Variants in SLC45A2 observed in about 807,000 individuals in gnomAD.
SLC45A2 encodes membrane-associated transporter protein.
Under a neutral mutation model 45.5 loss-of-function variants are expected in SLC45A2, and 36 were observed. The observed-to-expected ratio is 0.79, with a 90% confidence interval of 0.61 to 1.04. The LOEUF (loss-of-function observed/expected upper bound fraction) is 1.04. Ranked by LOEUF, SLC45A2 falls within the 50% of genes least tolerant of loss-of-function variation. The probability of loss-of-function intolerance (pLI) is 0.00; values close to 1 mark genes in which losing one functional copy is unlikely to be tolerated. For synonymous variants in SLC45A2, 306 were observed against 269.3 expected, an observed-to-expected ratio of 1.14 and a Z score of -1.33; for missense variants, 719 against 671.0, an observed-to-expected ratio of 1.07 and a Z score of -0.79.
Position 33,947,207 on chromosome 5 carries a change from G to T in SLC45A2, c.1324C>A (p.Pro442Thr), listed in dbSNP as rs567856158. Residue 442 changes from proline to threonine, a missense_variant, in exon 6 of 7, where the codon CCC (proline) becomes ACC (threonine). Pro to Thr is a conservative substitution (Grantham distance 38). Transcript: ENST00000296589. ...TGGTACTCAGTAATGAGGTTAAAGG[G>T]CACAGTGTACAGGGTGCTGGACATT... ...GVMSSTLYTV[P>T]FNLITEYHRE... The T allele has an allele frequency of 6.2e-7, 1 of 1,614,076 alleles. No individual in the cohort carries two copies. Among genetic ancestry groups the T allele is most frequent in the African/African-American group, 1.3e-5 (1 of 74,928 alleles).
chr5:33,947,800 C>T (rs1309117259), intron 5 of SLC45A2, among the ~76,000 whole-genome samples: 1 of 152,188 alleles, frequency 6.6e-6, no homozygotes, highest in Non-Finnish European at 1.5e-5. Flanking sequence ...AACCCAAAGT[C>T]AGGTTGGGGA....
At chr5:33,975,241 T>C (rs958104191) in intron 2 of SLC45A2, among the ~76,000 whole-genome samples, 4 of 152,230 alleles carry the variant, frequency 2.6e-5, no homozygotes, top group African/African-American at 9.6e-5. Flanking sequence ...TTGATGCAAT[T>C]TGTCGTGTCA....
rs1196947922 is a variant in SLC45A2, at chr5:33,963,728, G to A, written c.851C>T (p.Ala284Val). 1.2e-6 allele frequency: 2 copies of A among 1,614,016 alleles called. No individual in the cohort carries two copies. The highest frequency in any genetic ancestry group is 1.7e-5 in the Admixed American group (1 of 60,018). The change falls in exon 3 of 7, where the codon GCA (alanine) becomes GTA (valine). Residue 284 changes from alanine (A) to valine (V), a missense_variant. By Grantham distance (64) the Ala-to-Val change is moderately conservative. Coordinates refer to ENST00000296589, the MANE Select transcript of SLC45A2 (RefSeq NM_016180.5). ...ATTTTTGTTTTTTGCTCCCTGCATTGCCAGCTCTGGATTTACGTAACCATT... is the reference window on the plus strand; with the variant it reads ...ATTTTTGTTTTTTGCTCCCTGCATTACCAGCTCTGGATTTACGTAACCATT... ...VKNGYVNPEL[A>V]MQGAKNKNHA... is the part of the protein sequence containing the mutation.
intron 5 of SLC45A2, among the ~76,000 whole-genome samples, chr5:33,950,784 G>A (rs937498099): frequency 1.3e-5 from 2 of 152,350 alleles, no homozygotes; most frequent in South Asian, 4.1e-4. Flanking sequence ...CAATCTTGCA[G>A]AAGAAGAGCT....
chr5:33,947,007 T>A (rs1751949404), intron 6 of SLC45A2, 156 bp downstream of exon 6: 3 of 1,585,430 alleles, frequency 1.9e-6, no homozygotes, highest in East Asian at 4.5e-5. Context: ...TGAGCATGCC[T>A]GTACCAGATC....
Position 33,944,686 on chromosome 5 carries a change from A to G in SLC45A2, c.1555T>C (p.Cys519Arg), listed in dbSNP as rs750510834. ...CTAACAAAGAGAGCGACAAAGCAAC[A>G]GCCTATCAGTGCCACCGCAGACGCT... is the stretch of plus-strand genomic sequence containing the variant. ...ITASAVALIG[C>R]CFVALFVRYV... The change falls in exon 7 of 7, where the codon TGT (cysteine) becomes CGT (arginine). Residue 519 changes from cysteine to arginine, a missense_variant. Cys to Arg is a radical substitution (Grantham distance 180, BLOSUM62 -3). Transcript: ENST00000296589. 48 of 1,614,102 alleles carry G rather than the reference A, an allele frequency of 3.0e-5. No individual in the cohort carries two copies. Among genetic ancestry groups the G allele is most frequent in the Non-Finnish European group, 3.8e-5 (45 of 1,180,038 alleles).
intron 3 of SLC45A2, among the ~76,000 whole-genome samples, chr5:33,961,595 C>T (rs1379826489): frequency 1.3e-5 from 2 of 152,278 alleles, no homozygotes; most frequent in African/African-American, 2.4e-5. Context: ...TAACGCTTTT[C>T]TCCATTTATT....
chr5:33,962,867 A>T (rs2111958631), intron 3 of SLC45A2, among the ~76,000 whole-genome samples: 1 of 152,330 alleles, frequency 6.6e-6, no homozygotes, highest in South Asian at 2.1e-4. Context: ...ACATTTTGTC[A>T]ATCAAGAAAT....
intron 3 of SLC45A2, among the ~76,000 whole-genome samples, chr5:33,956,592 G>A (rs1042103963): frequency 6.6e-6 from 1 of 152,148 alleles, no homozygotes; most frequent in Non-Finnish European, 1.5e-5. Context: ...GCTTCACCAG[G>A]AAGTCTTTGT....
chr5:33,951,730 C>G, intron 4 of SLC45A2, 53 bp from the exon 5 acceptor site: 2 of 1,611,246 alleles, frequency 1.2e-6, no homozygotes, highest in Admixed American at 3.3e-5. Context: ...AGTAAGAACC[C>G]TTCTCATGCA....
In SLC45A2 at chr5:33,963,722, T is replaced by C; in HGVS notation, c.857A>G (p.Gln286Arg). ...AGCATGATTTTTGTTTTTTGCTCCCTGCATTGCCAGCTCTGGATTTACGTA... is the reference window on the plus strand; with the variant it reads ...AGCATGATTTTTGTTTTTTGCTCCCCGCATTGCCAGCTCTGGATTTACGTA... ...NGYVNPELAM[Q>R]GAKNKNHAEQ... Residue 286 changes from glutamine to arginine, a missense_variant, in exon 3 of 7, where the codon CAG becomes CGG. Transcript: ENST00000296589. The C allele has an allele frequency of 6.2e-7, 1 of 1,614,144 alleles. No homozygotes were observed. The highest frequency in any genetic ancestry group is 1.1e-5 in the South Asian group (1 of 91,084).
chr5:33,977,870 A>G (rs1320299588), intron 2 of SLC45A2, among the ~76,000 whole-genome samples: 3 of 152,216 alleles, frequency 2.0e-5, no homozygotes, highest in African/African-American at 7.2e-5. Context: ...TTATTTACCC[A>G]TGAGGCACAT....
chr5:33,955,195 T>A (rs1322387944), intron 3 of SLC45A2, among the ~76,000 whole-genome samples: 1 of 152,176 alleles, frequency 6.6e-6, no homozygotes, highest in Admixed American at 6.5e-5. Context: ...GAGAGTGACA[T>A]TTAGGGGCTG....
rs886060520 is a variant in SLC45A2, at chr5:33,984,352, G to T, written c.232C>A (p.Pro78Thr). The T allele has an allele frequency of 3.7e-6, 6 of 1,614,058 alleles. No homozygotes were observed. The highest frequency in any genetic ancestry group is 4.2e-6 in the Non-Finnish European group (5 of 1,179,990). ...SLYSIVWFLS[P>T]ILGFLLQPVV... ...GGCTGCAGCAGGAATCCCAGGATGG[G>T]GCTGAGGAACCACACAATGCTGTAC... is the stretch of plus-strand genomic sequence containing the variant. The change falls in exon 1 of 7, where the codon CCC (proline) becomes ACC (threonine). Residue 78 changes from proline to threonine, a missense_variant. By Grantham distance (38) the Pro-to-Thr change is conservative. Coordinates refer to ENST00000296589, the MANE Select transcript of SLC45A2 (RefSeq NM_016180.5).
At chr5:33,964,074 A>T in intron 2 of SLC45A2, 58 bp from the exon 3 acceptor site, 4 of 1,546,820 alleles carry the variant, frequency 2.6e-6, no homozygotes, top group Non-Finnish European at 3.5e-6. Flanking sequence ...CATTTTCCTC[A>T]TGCATAGACA....
chr5:33,947,204 A>C lies in SLC45A2; in HGVS notation c.1327T>G (p.Phe443Val). The change falls in exon 6 of 7, where the codon TTT (phenylalanine) becomes GTT (valine). Residue 443 changes from phenylalanine to valine, a missense_variant. Coordinates refer to ENST00000296589, the MANE Select transcript of SLC45A2 (RefSeq NM_016180.5). ...CGGTGGTACTCAGTAATGAGGTTAAAGGGCACAGTGTACAGGGTGCTGGAC... is the reference window on the plus strand; with the variant it reads ...CGGTGGTACTCAGTAATGAGGTTAACGGGCACAGTGTACAGGGTGCTGGAC... ...VMSSTLYTVP[F>V]NLITEYHREE... 6.2e-7 allele frequency: 1 copy of C among 1,614,240 alleles called. No individual in the cohort carries two copies. The highest frequency in any genetic ancestry group is 2.2e-5 in the East Asian group (1 of 44,882).
intron 4 of SLC45A2, among the ~76,000 whole-genome samples, chr5:33,952,641 C>T (rs1414447890): frequency 5.3e-5 from 8 of 149,990 alleles, no homozygotes; most frequent in South Asian, 2.1e-4. Context: ...TCATACAGGC[C>T]GGAGCTAACA....
At chr5:33,954,268 C>A (rs1292971341) in intron 4 of SLC45A2, 93 bp downstream of exon 4, 1 of 1,556,858 alleles carries the variant, frequency 6.4e-7, no homozygotes, top group Non-Finnish European at 8.8e-7. Flanking sequence ...TCTTACTGTG[C>A]CAATCTTAGA....
intron 2 of SLC45A2, among the ~76,000 whole-genome samples, chr5:33,969,215 T>C (rs1752709418): frequency 6.6e-6 from 1 of 151,700 alleles, no homozygotes; most frequent in African/African-American, 2.4e-5. Context: ...TCTGCCCTCT[T>C]GGAGGCTGAG....
Sources: gnomAD v4.1 joint callset for allele counts (sites outside exome capture counted in the v4.1 genomes callset) on GRCh38, gnomAD v4.1.1 for gene constraint, MANE v1.5 for transcripts, NCBI Gene and HGNC (gene_info 2026-07-23, HGNC 2026-07-21) for gene names.